PARD3B: variants seen among roughly 807,000 people sequenced by gnomAD.
PARD3B encodes par-3 family cell polarity regulator beta.
Under a neutral mutation model 130.2 loss-of-function variants are expected in PARD3B, and 103 were observed. The ratio of observed to expected loss-of-function variants is 0.79; its 90% confidence interval spans 0.67 to 0.93. PARD3B has a LOEUF of 0.93. PARD3B is among the 40% of genes least tolerant of loss of function. The pLI, the probability that PARD3B is intolerant of heterozygous loss-of-function variation, is 0.00. For synonymous variants in PARD3B, 583 were observed against 553.2 expected (o/e 1.05, Z -0.76); for missense variants, 1,609 against 1,499.2 (o/e 1.07, Z -1.21).
At chr2:205,415,490 T>G (rs1265267743) in intron 19 of PARD3B, among the ~76,000 whole-genome samples, 1 of 152,062 alleles carries the variant, frequency 6.6e-6, no homozygotes, top group Admixed American at 6.6e-5. Flanking sequence ...AAAACTGACA[T>G]TATGCTAAAA....
intron 1 of PARD3B, among the ~76,000 whole-genome samples, chr2:204,665,832 G>A (rs907075209): frequency 8.5e-5 from 13 of 152,178 alleles, no homozygotes; most frequent in African/African-American, 3.1e-4. Context: ...AAGTTTTAGA[G>A]GGCTCCAAGG....
chr2:205,140,001 A>C (rs1247039020), intron 10 of PARD3B, among the ~76,000 whole-genome samples: 1 of 152,232 alleles, frequency 6.6e-6, no homozygotes, highest in African/African-American at 2.4e-5. Flanking sequence ...TTCCTTCACA[A>C]ACCTTTGAAA....
rs1398522674 is a variant in PARD3B, at chr2:205,122,080, T to C, written c.1165+131T>C. The stretch of plus-strand genomic sequence containing the variant: ...GTATCAAAGAATAGATTTAAGTGTA[T>C]ACTTAGGTAACTTAAATTTCTTGAA... On this transcript the variant is annotated intron_variant, in intron 8 of 22. Transcript: ENST00000406610. This position sits in a 1 kb window ranked among gnomAD's most constrained non-coding sequence, Gnocchi z 4.3. 1.3e-5 allele frequency: 10 copies of C among 789,614 alleles called. No homozygotes were observed. Among genetic ancestry groups the C allele is most frequent in the Non-Finnish European group, 1.9e-6 (1 of 514,086 alleles). The allele number at this position is 789,614 out of a possible 1,614,324, so 48.9% of individuals were successfully genotyped here.
chr2:205,358,510 T>C (rs1446786283), intron 18 of PARD3B, among the ~76,000 whole-genome samples: 1 of 152,236 alleles, frequency 6.6e-6, no homozygotes, highest in Non-Finnish European at 1.5e-5. Context: ...TGCTTGAGTT[T>C]TTGTTCTCTC....
chr2:204,761,772 G>T (rs2040908649), intron 2 of PARD3B, among the ~76,000 whole-genome samples: 1 of 151,852 alleles, frequency 6.6e-6, no homozygotes, highest in Non-Finnish European at 1.5e-5. Context: ...CTTTATTTTG[G>T]CTTTAATGAA....
In PARD3B at chr2:205,550,955, G is replaced by GTGTGTA. The variant is rs796567936; in HGVS notation, c.3181-2368_3181-2367insGTGTAT. ...TGTGTGTGTGTGTATATATATATGT[G>GTGTGTA]TATATATATATATATATATATACAC... On this transcript the variant is annotated intron_variant, in intron 21 of 22. Coordinates refer to ENST00000406610, the MANE Select transcript of PARD3B (RefSeq NM_001302769.2). The surrounding 1 kb of genome is among the most constrained non-coding windows in gnomAD (Gnocchi z 4.5). 5.2e-4 allele frequency among the ~76,000 whole-genome samples: 49 copies of GTGTGTA among 94,452 alleles called. No individual in the cohort carries two copies. Among genetic ancestry groups the GTGTGTA allele is most frequent in the African/African-American group, 1.7e-3 (45 of 26,400 alleles). The allele number at this position is 94,452 out of a possible 152,430, so 62.0% of individuals were successfully genotyped here.
chr2:205,293,203 AAATC>A (rs1432871519), intron 16 of PARD3B, among the ~76,000 whole-genome samples: 5 of 152,186 alleles, frequency 3.3e-5, no homozygotes, highest in African/African-American at 9.7e-5. Context: ...ACCCTCCAAG[AAATC>A]AATCAAACAT....
intron 1 of PARD3B, among the ~76,000 whole-genome samples, chr2:204,636,453 AGTGTGTGTGTGTGTGTGTGTGT>A (rs10596741): frequency 1.4e-5 from 2 of 139,394 alleles, no homozygotes; most frequent in African/African-American, 2.7e-5. Context: ...AGGTCAGGTG[AGTGTGTGTGTGTGTGTGTGTGT>A]GTGTGTGTGT....
chr2:205,311,390 T>C (rs1384214552), intron 18 of PARD3B, among the ~76,000 whole-genome samples: 1 of 152,138 alleles, frequency 6.6e-6, no homozygotes, highest in Non-Finnish European at 1.5e-5. Flanking sequence ...TCATTGTGGT[T>C]TTAATTTGCA....
rs143994457 is a variant in PARD3B at position 205,122,777 on chromosome 2, A to G, written c.1165+828A>G. Reference sequence around the variant, plus strand: ...AAGGTCTTTCAAAAACAAATAATGTATCATCATTTAGGATATGAAAATTAT... The same window carrying G: ...AAGGTCTTTCAAAAACAAATAATGTGTCATCATTTAGGATATGAAAATTAT... On this transcript the variant is annotated intron_variant, in intron 8 of 22. Transcript: ENST00000406610. This position sits in a 1 kb window ranked among gnomAD's most constrained non-coding sequence, Gnocchi z 4.3. 1.1e-3 allele frequency among the ~76,000 whole-genome samples: 169 copies of G among 152,374 alleles called. 1 individual carries two copies. The highest frequency in any genetic ancestry group is 2.0e-3 in the Non-Finnish European group (138 of 68,024).
At chr2:204,924,939 C>G (rs965614378) in intron 2 of PARD3B, among the ~76,000 whole-genome samples, 2 of 152,006 alleles carry the variant, frequency 1.3e-5, no homozygotes, top group African/African-American at 4.8e-5. Flanking sequence ...ATTCTGCCAA[C>G]TGTAACATAT....
At chr2:204,787,314 C>CT (rs1206035253) in intron 2 of PARD3B, among the ~76,000 whole-genome samples, 3 of 152,116 alleles carry the variant, frequency 2.0e-5, no homozygotes, top group Non-Finnish European at 4.4e-5. Flanking sequence ...GACCCCTCAA[C>CT]TTCTGTCAGC....
Position 205,575,658 on chromosome 2 carries a change from T to A in PARD3B, c.3260+22255T>A, listed in dbSNP as rs1180941653. ...GCCTTTTCAGATTGGCTTCTTTCAC[T>A]TTATAATATGCATTTAAGTTTCCTC... On this transcript the variant is annotated intron_variant, in intron 22 of 22. Transcript: ENST00000406610. The surrounding 1 kb of genome is among the most constrained non-coding windows in gnomAD (Gnocchi z 4.6). Among the ~76,000 whole-genome samples the A allele has an allele frequency of 3.9e-5, 6 of 152,142 alleles. No individual in the cohort carries two copies. Among genetic ancestry groups the A allele is most frequent in the African/African-American group, 1.4e-4 (6 of 41,436 alleles).
At chr2:205,166,933 C>A (rs757649072) in intron 11 of PARD3B, among the ~76,000 whole-genome samples, 4 of 152,168 alleles carry the variant, frequency 2.6e-5, no homozygotes, top group Non-Finnish European at 5.9e-5. Context: ...CATGATTAAT[C>A]CTCTCAACAC....
At position 204,707,233 on chromosome 2, in the gene PARD3B, C is replaced by T. The variant is rs11888986; in HGVS notation, c.222+20951C>T. ...ATGGAAATCCAGACCACATGAAGCC[C>T]GAGTGGGACTGCAAATTTATTATGG... is the stretch of plus-strand genomic sequence containing the variant. On this transcript the variant is annotated intron_variant, in intron 2 of 22. Coordinates refer to ENST00000406610, the MANE Select transcript of PARD3B (RefSeq NM_001302769.2). 4.9e-3 allele frequency among the ~76,000 whole-genome samples: 752 copies of T among 152,176 alleles called. 9 individuals are homozygous for T. Among genetic ancestry groups the T allele is most frequent in the African/African-American group, 0.017 (698 of 41,506 alleles).
chr2:204,698,653 T>G (rs2037732650), intron 2 of PARD3B, among the ~76,000 whole-genome samples: 1 of 152,062 alleles, frequency 6.6e-6, no homozygotes, highest in Admixed American at 6.6e-5. Context: ...TCAAAAATTA[T>G]GTATTGAGAG....
intron 3 of PARD3B, among the ~76,000 whole-genome samples, chr2:204,976,702 A>G (rs1401582947): frequency 6.9e-6 from 1 of 145,112 alleles, no homozygotes; most frequent in East Asian, 2.0e-4. Flanking sequence ...CCACCCCTGG[A>G]CTCTAGCAAT....
At chr2:204,712,464 A>G (rs930578637) in intron 2 of PARD3B, among the ~76,000 whole-genome samples, 1 of 151,918 alleles carries the variant, frequency 6.6e-6, no homozygotes, top group South Asian at 2.1e-4. Flanking sequence ...TACAAAAATT[A>G]TCCGGGTGTG....
chr2:205,002,020 C>T (rs971765015), intron 3 of PARD3B, among the ~76,000 whole-genome samples: 9 of 152,134 alleles, frequency 5.9e-5, no homozygotes, highest in African/African-American at 2.2e-4. Flanking sequence ...TCCCCCTAAA[C>T]AAAAATATAT....
Sources: allele counts gnomAD v4.1 joint callset (sites outside exome capture counted in the v4.1 genomes callset), GRCh38; gene constraint gnomAD v4.1.1; non-coding constraint Gnocchi (gnomAD v3.1); transcripts MANE v1.5; gene names NCBI Gene and HGNC (gene_info 2026-07-23, HGNC 2026-07-21).